The following LRRC4C variants were observed in gnomAD, a reference collection of about 807,000 sequenced individuals.
LRRC4C encodes the protein leucine rich repeat containing 4C, also known as leucine-rich repeat-containing protein 4C.
Under a neutral mutation model 33.6 loss-of-function variants are expected in LRRC4C, and 5 were observed. That is an observed-to-expected ratio of 0.15 (90% CI 0.08 to 0.31). LRRC4C has a LOEUF of 0.31. Ranked by LOEUF, LRRC4C falls within the 10% of genes least tolerant of loss-of-function variation. The pLI, the probability that LRRC4C is intolerant of heterozygous loss-of-function variation, is 1.00. For synonymous variants in LRRC4C, 329 were observed against 302.0 expected, an observed-to-expected ratio of 1.09 and a Z score of -0.93; for missense variants, 560 against 796.7, an observed-to-expected ratio of 0.70 and a Z score of 3.58.
At chr11:41,012,296 C>T (rs542404044) in intron 1 of LRRC4C, among the ~76,000 whole-genome samples, 37 of 151,666 alleles carry the variant, frequency 2.4e-4, no homozygotes, top group African/African-American at 9.0e-4. Flanking sequence ...ATAAGATATA[C>T]TTTTTTAGTT....
chr11:40,984,399 GAAAGAAAGAAAGAAAGAGAAAGAAAGA>G, intron 1 of LRRC4C, among the ~76,000 whole-genome samples: 1 of 85,326 alleles, frequency 1.2e-5, no homozygotes, highest in Non-Finnish European at 3.1e-5. Flanking sequence ...AAGAAAGAAA[GAAAGAAAGAAAGAAAGAGAAAGAAAGA>G]AAGAGAAAAA....
intron 1 of LRRC4C, among the ~76,000 whole-genome samples, chr11:41,391,019 T>G (rs1297149146): frequency 1.3e-5 from 2 of 150,328 alleles, no homozygotes; most frequent in African/African-American, 2.4e-5. Flanking sequence ...TTGGGCCATA[T>G]AAGTAAGCAT....
At chr11:41,421,010 T>G (rs1031419244) in intron 1 of LRRC4C, among the ~76,000 whole-genome samples, 2 of 152,134 alleles carry the variant, frequency 1.3e-5, no homozygotes, top group East Asian at 3.9e-4. Flanking sequence ...ATTCTGGAAT[T>G]AATATTTTAG....
At chr11:40,564,706 A>G (rs1957684131) in intron 3 of LRRC4C, among the ~76,000 whole-genome samples, 1 of 152,146 alleles carries the variant, frequency 6.6e-6, no homozygotes, top group Non-Finnish European at 1.5e-5. Flanking sequence ...CTTCCAGATT[A>G]GAGGGAGTGG....
chr11:41,409,252 T>G (rs115144463), intron 1 of LRRC4C, among the ~76,000 whole-genome samples: 1,827 of 152,342 alleles, frequency 0.012, 39 homozygotes, highest in African/African-American at 0.042. Flanking sequence ...AAAATGTCTC[T>G]GATACCAATT....
intron 1 of LRRC4C, among the ~76,000 whole-genome samples, chr11:41,239,655 T>TA (rs1948171529): frequency 6.6e-6 from 1 of 152,116 alleles, no homozygotes; most frequent in African/African-American, 2.4e-5. Context: ...GTCCATTCTG[T>TA]CATATTTTTT....
chr11:40,272,730 C>G (rs1190028934), intron 4 of LRRC4C, among the ~76,000 whole-genome samples: 4 of 151,886 alleles, frequency 2.6e-5, no homozygotes, highest in African/African-American at 9.7e-5. Flanking sequence ...TCTTTTGGTG[C>G]AAAGTTTCAA....
chr11:40,691,407 A>G (rs61886823), intron 2 of LRRC4C, among the ~76,000 whole-genome samples: 61,683 of 151,900 alleles, frequency 0.41, 15,133 homozygotes, highest in East Asian at 0.58. Flanking sequence ...GGACCAGGAG[A>G]TGGGAATCAG....
At chr11:40,886,906 TAC>T (rs1390882335) in intron 2 of LRRC4C, among the ~76,000 whole-genome samples, 1 of 150,772 alleles carries the variant, frequency 6.6e-6, no homozygotes, top group African/African-American at 2.4e-5. Flanking sequence ...TGTGTGTATA[TAC>T]ACACAGCAAA....
At chr11:40,462,921 G>A (rs79681239) in intron 3 of LRRC4C, among the ~76,000 whole-genome samples, 11,112 of 152,006 alleles carry the variant, frequency 0.073, 572 homozygotes, top group Non-Finnish European at 0.11. Flanking sequence ...TCAAAAAATG[G>A]ATGAAGAAAA....
At chr11:41,314,829 CCCCAG>C (rs1304448798) in intron 1 of LRRC4C, among the ~76,000 whole-genome samples, 3 of 151,984 alleles carry the variant, frequency 2.0e-5, no homozygotes, top group Non-Finnish European at 2.9e-5. Context: ...AAAGAGACGA[CCCCAG>C]CTACAGTATA....
intron 3 of LRRC4C, among the ~76,000 whole-genome samples, chr11:40,532,303 T>C (rs1956301342): frequency 6.6e-6 from 1 of 151,838 alleles, no homozygotes; most frequent in Non-Finnish European, 1.5e-5. Context: ...GTGAGTAAAA[T>C]GGATCACATG....
intron 1 of LRRC4C, among the ~76,000 whole-genome samples, chr11:41,252,780 C>A (rs1011529527): frequency 6.6e-6 from 1 of 152,052 alleles, no homozygotes; most frequent in Non-Finnish European, 1.5e-5. Flanking sequence ...AGAAGGTGAA[C>A]GAGGAGCAAA....
Position 40,863,336 on chromosome 11 carries a change from C to T in LRRC4C, c.-407+70299G>A, listed in dbSNP as rs74634860. On this transcript the variant is annotated intron_variant, in intron 2 of 6. Coordinates refer to ENST00000528697, the MANE Select transcript of LRRC4C (RefSeq NM_001258419.2). ...AATTTTCCAAGAAAATGGAAAGGCT[C>T]ATTCACTATGCCAAGTAGAAATTTA... Among the ~76,000 whole-genome samples, 306 of 152,284 alleles carry T rather than the reference C, an allele frequency of 2.0e-3. 2 individuals are homozygous for T. Among genetic ancestry groups the T allele is most frequent in the African/African-American group, 7.2e-3 (300 of 41,556 alleles).
intron 1 of LRRC4C, among the ~76,000 whole-genome samples, chr11:41,021,156 TGAGAGAGAGAGAGA>T (rs71060991): frequency 0.082 from 10,460 of 126,996 alleles, 543 homozygotes; most frequent in Non-Finnish European, 0.089. Flanking sequence ...ATCGTGCATC[TGAGAGAGAGAGAGA>T]GAGAGAGAGA....
At chr11:40,622,266 T>C (rs2135958479) in intron 3 of LRRC4C, among the ~76,000 whole-genome samples, 1 of 152,040 alleles carries the variant, frequency 6.6e-6, no homozygotes, top group African/African-American at 2.4e-5. Flanking sequence ...TGAAAAGCTT[T>C]ACCTGACAAT....
rs1865249110 is a variant in LRRC4C at position 40,232,166 on chromosome 11, C to A, written c.-96+9353G>T. On this transcript the variant is annotated intron_variant, in intron 5 of 6. Coordinates refer to ENST00000528697, the MANE Select transcript of LRRC4C (RefSeq NM_001258419.2). ...AGATTACAGTTGCCTGCCACCACAC[C>A]TAGCTATTTTTGTATTTTTAGTAAA... Among the ~76,000 whole-genome samples the A allele has an allele frequency of 1.3e-5, 2 of 152,158 alleles. 1 individual carries two copies. Among genetic ancestry groups the A allele is most frequent in the South Asian group, 4.1e-4 (2 of 4,830 alleles).
chr11:40,431,361 C>A (rs1474880174), intron 3 of LRRC4C, among the ~76,000 whole-genome samples: 1 of 146,252 alleles, frequency 6.8e-6, no homozygotes, highest in Non-Finnish European at 1.5e-5. Context: ...TGCCACTGCA[C>A]CCCAGCCTGA....
chr11:41,310,967 A>C (rs1220574483), intron 1 of LRRC4C, among the ~76,000 whole-genome samples: 1 of 152,248 alleles, frequency 6.6e-6, no homozygotes, highest in East Asian at 1.9e-4. Flanking sequence ...CAATTTAACA[A>C]AGCACAACCT....
Sources: gnomAD v4.1 joint callset for allele counts (sites outside exome capture counted in the v4.1 genomes callset) on GRCh38, gnomAD v4.1.1 for gene constraint, MANE v1.5 for transcripts, NCBI Gene and HGNC (gene_info 2026-07-23, HGNC 2026-07-21) for gene names.